The following NAV3 variants were observed in gnomAD, a reference collection of about 807,000 sequenced individuals.
NAV3 encodes the protein neuron navigator 3, also known as pore membrane and/or filament interacting like protein 1.
A neutral mutation model predicts 244.7 loss-of-function variants in NAV3; 87 were observed. That is an observed-to-expected ratio of 0.36 (90% CI 0.30 to 0.42). NAV3 has a LOEUF of 0.42. Ranked by LOEUF, NAV3 falls within the 20% of genes least tolerant of loss-of-function variation. NAV3 has a pLI of 1.00. For synonymous variants in NAV3, 1,126 were observed against 1,042.2 expected (o/e 1.08, Z -1.55); for missense variants, 2,663 against 2,893.3 (o/e 0.92, Z 1.83).
At chr12:77,885,748 G>T (rs1883208522) in intron 1 of NAV3, among the ~76,000 whole-genome samples, 1 of 152,032 alleles carries the variant, frequency 6.6e-6, no homozygotes, top group Admixed American at 6.6e-5. Context: ...AAAGAACATT[G>T]CTTGAGCAAA....
Position 78,051,010 on chromosome 12 carries a change from G to T in NAV3, c.2379G>T (p.Leu793=), listed in dbSNP as rs1882674793. 2 of 1,614,106 alleles carry T rather than the reference G, an allele frequency of 1.2e-6. No individual in the cohort carries two copies. Among genetic ancestry groups the T allele is most frequent in the Non-Finnish European group, 1.7e-6 (2 of 1,180,016 alleles). The change falls in exon 11 of 40, where the codon CTG becomes CTT. Residue 793 remains leucine, a synonymous_variant. Coordinates refer to ENST00000397909, the MANE Select transcript of NAV3 (RefSeq NM_001024383.2). The stretch of plus-strand genomic sequence containing the variant: ...TCCGTCGAGCTGCTGTCTCTAGGCT[G>T]GGAAACATGTCACAGATTGACATGA... ...TPLRRAAVSR[L]GNMSQIDMSE... is the part of the protein sequence containing the mutation.
intron 2 of NAV3, among the ~76,000 whole-genome samples, chr12:77,761,890 C>A (rs766982214): frequency 6.6e-6 from 1 of 152,132 alleles, no homozygotes. Context: ...GGATCTAGAA[C>A]CAGAAATACC....
At chr12:78,050,149 TACAA>T (rs1472684846) in intron 10 of NAV3, 48 bp downstream of exon 10, 7 of 1,299,698 alleles carry the variant, frequency 5.4e-6, no homozygotes, top group Non-Finnish European at 3.3e-6. Flanking sequence ...AAAAAATAAT[TACAA>T]ACAAACATTT....
intron 8 of NAV3, chr12:78,010,693 TA>T (rs1875119016): frequency 6.6e-6 from 1 of 152,116 alleles, no homozygotes; most frequent in African/African-American, 2.4e-5. Flanking sequence ...AGAACTCATT[TA>T]TAATTGAAAA....
intron 8 of NAV3, among the ~76,000 whole-genome samples, chr12:78,017,424 C>A (rs1226311542): frequency 6.6e-6 from 1 of 152,064 alleles, no homozygotes; most frequent in Non-Finnish European, 1.5e-5. Flanking sequence ...CAGAGTGAGA[C>A]CCTATCTCAG....
rs1396817911 is a variant in NAV3, at chr12:77,580,976, T to G, written c.72+8710T>G. Among the ~76,000 whole-genome samples the G allele has an allele frequency of 5.3e-5, 8 of 152,316 alleles. No individual in the cohort carries two copies. In the East Asian group the frequency reaches 1.4e-3, roughly 26 times the overall value. ...TTTAGTAGCATAGCTATAGTTCCCC[T>G]GCCATACTTCTCCAAACTTGATTCT... is the stretch of plus-strand genomic sequence containing the variant. On this transcript the variant is annotated intron_variant, in intron 2 of 8. Coordinates refer to the NAV3 transcript ENST00000550042.
intron 16 of NAV3, 132 bp downstream of exon 16, chr12:78,122,560 G>A (rs1465682582): frequency 2.6e-6 from 3 of 1,139,348 alleles, no homozygotes; most frequent in East Asian, 2.6e-5. Flanking sequence ...TGATGAAACC[G>A]GGCCTTTCAT....
Position 78,204,925 on chromosome 12 carries a change from C to A in NAV3, c.6835-10C>A, listed in dbSNP as rs752755793. 9 of 1,612,412 alleles carry A rather than the reference C, an allele frequency of 5.6e-6. No homozygotes were observed. The African/African-American group carries it at 1.1e-4, about 19-fold the overall frequency. ...TTTATATATATCCTAAACGCGTGGT[C>A]AACTTTTAGATGTATGGGAAACGCA... On this transcript the variant is annotated splice_polypyrimidine_tract_variant and intron_variant, in intron 38 of 39. Coordinates refer to ENST00000397909, the MANE Select transcript of NAV3 (RefSeq NM_001024383.2).
chr12:77,809,903 A>C (rs537842528), intron 2 of NAV3, among the ~76,000 whole-genome samples: 2 of 152,252 alleles, frequency 1.3e-5, no homozygotes, highest in East Asian at 1.9e-4. Context: ...TATCAAATCT[A>C]CCTTTGGTTG....
chr12:78,039,413 C>T (rs889599116), intron 9 of NAV3, among the ~76,000 whole-genome samples: 1 of 152,066 alleles, frequency 6.6e-6, no homozygotes, highest in Non-Finnish European at 1.5e-5. Flanking sequence ...TTAAAAGTAA[C>T]TATAAAGCTT....
intron 23 of NAV3, among the ~76,000 whole-genome samples, chr12:78,161,818 A>G (rs573129537): frequency 6.6e-6 from 1 of 152,236 alleles, no homozygotes; most frequent in South Asian, 2.1e-4. Flanking sequence ...TGATATTTAA[A>G]AGCCTATAAA....
chr12:77,970,020 C>T (rs895350225), intron 5 of NAV3, among the ~76,000 whole-genome samples: 1 of 152,078 alleles, frequency 6.6e-6, no homozygotes, highest in African/African-American at 2.4e-5. Flanking sequence ...ACATAGTTTA[C>T]ATATCAAAAT....
intron 2 of NAV3, among the ~76,000 whole-genome samples, chr12:77,699,380 T>A (rs1412136009): frequency 2.0e-5 from 3 of 152,128 alleles, no homozygotes. Context: ...TATTCTAATA[T>A]CAATTGCTGC....
chr12:78,036,935 A>G, intron 9 of NAV3: 1 of 703,002 alleles, frequency 1.4e-6, no homozygotes. Flanking sequence ...GCCTTCAGAA[A>G]CAAAAGTCTC....
At position 77,630,762 on chromosome 12, in the gene NAV3, T is replaced by G. The variant is rs139900956; in HGVS notation, c.72+58496T>G. 8.1e-3 allele frequency among the ~76,000 whole-genome samples: 1,230 copies of G among 152,322 alleles called. 18 individuals carry two copies. The highest frequency in any genetic ancestry group is 0.028 in the African/African-American group (1,178 of 41,562). On this transcript the variant is annotated intron_variant, in intron 2 of 8. Transcript: ENST00000550042. ...AGATGGGAGAAAGACAAATCTTTTATTGCTTTATTTCAATAAAATTTGCAG... is the reference window on the plus strand; with the variant it reads ...AGATGGGAGAAAGACAAATCTTTTAGTGCTTTATTTCAATAAAATTTGCAG...
At chr12:78,051,281 G>C (rs1882722909) in intron 11 of NAV3, 134 bp downstream of exon 11, 21 of 935,288 alleles carry the variant, frequency 2.2e-5, no homozygotes, top group Middle Eastern at 6.9e-4. Context: ...GTTATTCAGA[G>C]TGTTGAAGGG....
intron 1 of NAV3, among the ~76,000 whole-genome samples, chr12:77,856,051 A>G (rs1337547471): frequency 1.3e-5 from 2 of 152,202 alleles, no homozygotes; most frequent in Non-Finnish European, 2.9e-5. Context: ...TACTGTTTAT[A>G]TAGGCTGTAG....
chr12:77,611,364 GA>G (rs35453361), intron 2 of NAV3, among the ~76,000 whole-genome samples: 1 of 151,714 alleles, frequency 6.6e-6, no homozygotes, highest in East Asian at 1.9e-4. Flanking sequence ...TCACTTTCTG[GA>G]AAAAAAGAAA....
intron 5 of NAV3, among the ~76,000 whole-genome samples, chr12:77,979,858 T>G (rs923155715): frequency 6.6e-6 from 1 of 152,134 alleles, no homozygotes; most frequent in African/African-American, 2.4e-5. Flanking sequence ...TGCTGTGTGC[T>G]ACACAGAAAG....
Sources: allele counts gnomAD v4.1 joint callset (sites outside exome capture counted in the v4.1 genomes callset), GRCh38; gene constraint gnomAD v4.1.1; transcripts MANE v1.5; gene names NCBI Gene and HGNC (gene_info 2026-07-23, HGNC 2026-07-21).